The following XRN1 variants were observed in gnomAD, a reference collection of about 807,000 sequenced individuals.
XRN1 encodes strand-exchange protein 1 homolog.
Under a neutral mutation model 222.3 loss-of-function variants are expected in XRN1, and 67 were observed. That is an observed-to-expected ratio of 0.30 (90% CI 0.25 to 0.37). The LOEUF (loss-of-function observed/expected upper bound fraction) is 0.37, where lower values mean the gene tolerates loss of function less well. Among genes scored for constraint, XRN1 ranks in the 10% least tolerant of loss-of-function variants. The pLI, the probability that XRN1 is intolerant of heterozygous loss-of-function variation, is 1.00. For synonymous variants in XRN1, 643 were observed against 652.4 expected, an observed-to-expected ratio of 0.99 and a Z score of 0.22; for missense variants, 1,707 against 2,000.2, an observed-to-expected ratio of 0.85 and a Z score of 2.80.
At chr3:142,425,925 T>A (rs1425237567) in intron 3 of XRN1, among the ~76,000 whole-genome samples, 1 of 151,956 alleles carries the variant, frequency 6.6e-6, no homozygotes, top group Non-Finnish European at 1.5e-5. Context: ...GCAGCTTAAA[T>A]CAGATTGTCA....
At position 142,356,941 on chromosome 3, in the gene XRN1, A is replaced by G. The variant is rs1306433317; in HGVS notation, c.3643T>C (p.Ser1215Pro). 5 of 1,613,924 alleles carry G rather than the reference A, an allele frequency of 3.1e-6. No homozygotes were observed. Among genetic ancestry groups the G allele is most frequent in the Non-Finnish European group, 4.2e-6 (5 of 1,179,980 alleles). The part of the protein sequence containing the change: ...SSGHLGALNH[S>P]PQSLFVPTQV... Reference sequence around the variant, plus strand: ...GTAGGAACAAAAAGTGATTGAGGGGAATGGTTGAGGGCTCCCAAATGCCCA... The same window carrying G: ...GTAGGAACAAAAAGTGATTGAGGGGGATGGTTGAGGGCTCCCAAATGCCCA... Residue 1215 changes from serine to proline, a missense_variant, in exon 31 of 41, where the codon TCC becomes CCC. Transcript: ENST00000392981.
chr3:142,312,626 C>T lies in XRN1; in HGVS notation c.4754G>A (p.Gly1585Asp), dbSNP rs1421508456. The change falls in exon 40 of 41, where the codon GGT (glycine) becomes GAT (aspartate). Residue 1585 changes from glycine (G) to aspartate (D), a missense_variant. This residue lies in a region of XRN1 where 473 missense variants were observed against 482.0 expected (regional missense o/e 0.98). Coordinates refer to ENST00000392981, the MANE Select transcript of XRN1 (RefSeq NM_001282857.2). The part of the protein sequence containing the change: ...TMPMAGGIPG[G>D]VHNQFIPLQV... ...CAGAGGTATAAACTGATTGTGCACA[C>T]CCCCTGGTATTCCCCCAGCCATGGG... 3.7e-6 allele frequency: 6 copies of T among 1,612,700 alleles called. No individual in the cohort carries two copies. Among genetic ancestry groups the T allele is most frequent in the Non-Finnish European group, 2.5e-6 (3 of 1,179,196 alleles).
rs757800774 is a variant in XRN1 at position 142,447,897 on chromosome 3, A to G, written c.48T>C (p.Cys16=). Residue 16 remains cysteine (C), a synonymous_variant, in exon 1 of 41, where the codon TGT becomes TGC. Transcript: ENST00000392981. This position sits in a 1 kb window ranked among gnomAD's most constrained non-coding sequence, Gnocchi z 4.2. ...FYRWISERYP[C]LSEVVKEHQI... ...GATGCTCTTTCACCACTTCGCTGAG[A>G]CAGGGATACCGCTCTGAGATCCATC... is the stretch of plus-strand genomic sequence containing the variant. 8.1e-6 allele frequency: 13 copies of G among 1,613,850 alleles called. No homozygotes were observed. The highest frequency in any genetic ancestry group is 1.0e-5 in the Non-Finnish European group (12 of 1,179,938).
At position 142,311,399 on chromosome 3, in the gene XRN1, T is replaced by A. The variant is rs1211748921; in HGVS notation, c.*112A>T. On this transcript the variant is annotated 3_prime_UTR_variant, in exon 41 of 41. Transcript: ENST00000392981. ...AACTTAAAAATGAAAAAAATTTCAATTTACACATATTATTTTAAAATAGTA... is the reference window on the plus strand; with the variant it reads ...AACTTAAAAATGAAAAAAATTTCAAATTACACATATTATTTTAAAATAGTA... The A allele has an allele frequency of 1.9e-6, 2 of 1,055,660 alleles. No individual in the cohort carries two copies. Among genetic ancestry groups the A allele is most frequent in the African/African-American group, 3.2e-5 (2 of 62,184 alleles). 65.4% of individuals were successfully genotyped at this position (1,055,660 alleles called of 1,614,324 possible).
intron 3 of XRN1, 166 bp downstream of exon 3, chr3:142,426,578 T>C (rs2069258868): frequency 8.2e-6 from 5 of 612,616 alleles, no homozygotes; most frequent in Non-Finnish European, 1.4e-5. Context: ...GGAGTATTTA[T>C]GACCAAGGTG....
At chr3:142,416,448 C>T (rs1260126340) in intron 13 of XRN1, among the ~76,000 whole-genome samples, 3 of 152,012 alleles carry the variant, frequency 2.0e-5, no homozygotes, top group South Asian at 2.1e-4. Flanking sequence ...CCTCCCAAAG[C>T]GATGGGATTA....
intron 13 of XRN1, 58 bp from the exon 14 acceptor site, chr3:142,414,349 A>G: frequency 3.1e-6 from 4 of 1,273,520 alleles, no homozygotes; most frequent in Non-Finnish European, 4.2e-6. Context: ...GGTTAATAAT[A>G]AACATATACT....
At chr3:142,406,736 C>T (rs1467579777) in intron 15 of XRN1, among the ~76,000 whole-genome samples, 1 of 151,842 alleles carries the variant, frequency 6.6e-6, no homozygotes, top group Admixed American at 6.6e-5. Flanking sequence ...CTGTGTTGCC[C>T]AGGGTGGGCT....
chr3:142,372,569 T>C (rs1349921339), intron 25 of XRN1, among the ~76,000 whole-genome samples: 2 of 152,162 alleles, frequency 1.3e-5, no homozygotes, highest in East Asian at 1.9e-4. Flanking sequence ...TCCTTATAGA[T>C]TGGGCATTGA....
chr3:142,388,579 C>G (rs764593763), intron 20 of XRN1, among the ~76,000 whole-genome samples: 2 of 152,146 alleles, frequency 1.3e-5, no homozygotes, highest in Non-Finnish European at 2.9e-5. Flanking sequence ...GAGGGTCTCA[C>G]CTTGATATTG....
chr3:142,434,115 A>G lies in XRN1; in HGVS notation c.76-1222T>C, dbSNP rs1156313991. Among the ~76,000 whole-genome samples the G allele has an allele frequency of 2.0e-5, 3 of 152,128 alleles. No individual in the cohort carries two copies. The East Asian group carries it at 5.8e-4, about 29-fold the overall frequency. On this transcript the variant is annotated intron_variant, in intron 1 of 40. Transcript: ENST00000392981. Reference sequence around the variant, plus strand: ...ATCTGAAAACCTCAATGAAAATCTCAGTGTGACTTTTCAACAGGGGTATTT... The same window carrying G: ...ATCTGAAAACCTCAATGAAAATCTCGGTGTGACTTTTCAACAGGGGTATTT...
Position 142,425,434 on chromosome 3 carries a change from G to A in XRN1, c.511C>T (p.His171Tyr). 4 of 1,610,400 alleles carry A rather than the reference G, an allele frequency of 2.5e-6. No homozygotes were observed. Among genetic ancestry groups the A allele is most frequent in the Non-Finnish European group, 3.4e-6 (4 of 1,177,880 alleles). ...AAATAAAAAAAGATAATAACCTCAT[G>A]GCCTGAGAAGTAGATGGTAACTCCT... ...WQGVTIYFSGHETPGEGEHKI... is the reference protein window; with the variant it reads ...WQGVTIYFSGYETPGEGEHKI... The change falls in exon 4 of 41, where the codon CAT (histidine) becomes TAT (tyrosine). Residue 171 changes from histidine to tyrosine, a missense_variant. This residue lies in a region of XRN1 where 1,234 missense variants were observed against 1,518.2 expected (regional missense o/e 0.81). Transcript: ENST00000392981.
At chr3:142,355,718 CTCAA>C in intron 31 of XRN1, among the ~76,000 whole-genome samples, 1 of 152,024 alleles carries the variant, frequency 6.6e-6, no homozygotes, top group South Asian at 2.1e-4. Flanking sequence ...AATTCCTGGG[CTCAA>C]TCCTCAGCCT....
At chr3:142,351,398 A>G (rs1186303941) in intron 32 of XRN1, among the ~76,000 whole-genome samples, 1 of 152,210 alleles carries the variant, frequency 6.6e-6, no homozygotes, top group South Asian at 2.1e-4. Context: ...TGATGGGTCA[A>G]TTCAGATGGA....
At chr3:142,406,309 GAATAA>G (rs1257303926) in intron 15 of XRN1, among the ~76,000 whole-genome samples, 1 of 152,050 alleles carries the variant, frequency 6.6e-6, no homozygotes, top group Non-Finnish European at 1.5e-5. Context: ...ATATGCAGAA[GAATAA>G]AACTGGACTT....
At chr3:142,414,409 T>C in intron 13 of XRN1, 118 bp from the exon 14 acceptor site, 1 of 748,774 alleles carries the variant, frequency 1.3e-6, no homozygotes, top group Non-Finnish European at 1.9e-6. Context: ...AAATTAGTAC[T>C]GCCCATAATT....
chr3:142,370,464 T>G (rs756342920), intron 27 of XRN1, 21 bp downstream of exon 27: 1 of 1,586,106 alleles, frequency 6.3e-7, no homozygotes, highest in Non-Finnish European at 8.5e-7. Context: ...ATCAATAATC[T>G]TGGTTACTGA....
chr3:142,434,141 T>C (rs533368980), intron 1 of XRN1, among the ~76,000 whole-genome samples: 65 of 152,170 alleles, frequency 4.3e-4, no homozygotes, highest in African/African-American at 1.5e-3. Flanking sequence ...AGGGGTATTT[T>C]ATTTATTTTT....
At chr3:142,404,855 C>T in intron 16 of XRN1, 52 bp downstream of exon 16, 2 of 1,582,666 alleles carry the variant, frequency 1.3e-6, no homozygotes, top group Non-Finnish European at 1.7e-6. Flanking sequence ...CTTCTCGCAC[C>T]CTTGTGTTAG....
Sources: allele counts gnomAD v4.1 joint callset (sites outside exome capture counted in the v4.1 genomes callset), GRCh38; gene constraint gnomAD v4.1.1; regional missense constraint gnomAD v4.1.1; non-coding constraint Gnocchi (gnomAD v3.1); transcripts MANE v1.5; gene names NCBI Gene and HGNC (gene_info 2026-07-23, HGNC 2026-07-21).